The following PPP2R3A variants were observed in gnomAD, a reference collection of about 807,000 sequenced individuals.
The protein encoded by PPP2R3A is serine/threonine-protein phosphatase 2A regulatory subunit B'' subunit alpha.
PPP2R3A carries 80 observed loss-of-function variants against 106.9 expected under a neutral mutation model. That is an observed-to-expected ratio of 0.75 (90% CI 0.62 to 0.90). The LOEUF (loss-of-function observed/expected upper bound fraction) is 0.90. Ranked by LOEUF, PPP2R3A falls within the 40% of genes least tolerant of loss-of-function variation. The pLI is 0.00. For missense variants in PPP2R3A, 1,386 were observed against 1,350.4 expected (o/e 1.03, Z -0.41); for synonymous variants, 483 against 468.3 (o/e 1.03, Z -0.41).
At chr3:136,074,058 T>C (rs1317624400) in intron 6 of PPP2R3A, among the ~76,000 whole-genome samples, 1 of 152,198 alleles carries the variant, frequency 6.6e-6, no homozygotes, top group African/African-American at 2.4e-5. Flanking sequence ...TGTGACTCTA[T>C]TGAATGTTAT....
At chr3:136,033,086 G>A (rs1048347916) in intron 3 of PPP2R3A, among the ~76,000 whole-genome samples, 1 of 152,154 alleles carries the variant, frequency 6.6e-6, no homozygotes, top group African/African-American at 2.4e-5. Flanking sequence ...TCATCATAAA[G>A]GGATGCTGGA....
chr3:136,138,968 C>T (rs1938741449), intron 13 of PPP2R3A, among the ~76,000 whole-genome samples: 1 of 151,932 alleles, frequency 6.6e-6, no homozygotes, highest in Non-Finnish European at 1.5e-5. Flanking sequence ...ACATTGGCCT[C>T]CCCCAAAGTG....
chr3:136,055,678 A>G (rs1935837014), intron 5 of PPP2R3A: 1 of 1,051,964 alleles, frequency 9.5e-7, no homozygotes, highest in Non-Finnish European at 1.4e-6. Flanking sequence ...GGAGCTTACT[A>G]ACTGTGGTTT....
rs1284349045 is a variant in PPP2R3A at position 136,105,377 on chromosome 3, G to A, written c.3223-839G>A. Among the ~76,000 whole-genome samples, 4 of 152,190 alleles carry A rather than the reference G, an allele frequency of 2.6e-5. No individual in the cohort carries two copies. In the South Asian group the frequency reaches 6.2e-4, roughly 24 times the overall value. On this transcript the variant is annotated intron_variant, in intron 12 of 13. Transcript: ENST00000264977. ...GCTATGGCTTGTGCTTGTAATCCCA[G>A]CTACTTAGGAAGCTAAGACGGGAGG...
At chr3:136,071,607 A>G (rs1418175825) in intron 6 of PPP2R3A, among the ~76,000 whole-genome samples, 1 of 152,136 alleles carries the variant, frequency 6.6e-6, no homozygotes, top group African/African-American at 2.4e-5. Flanking sequence ...TAATTGCCCC[A>G]TAGTCTAGCC....
chr3:135,974,258 T>C (rs1389132992), intron 1 of PPP2R3A, among the ~76,000 whole-genome samples: 1 of 152,172 alleles, frequency 6.6e-6, no homozygotes, highest in African/African-American at 2.4e-5. Context: ...TTGACTCTTA[T>C]TTCCTTGGCA....
In PPP2R3A at chr3:136,041,249, T is replaced by TTG. The variant is rs774082733; in HGVS notation, c.2366+287_2366+288insTG. On this transcript the variant is annotated intron_variant, in intron 4 of 13. Coordinates refer to ENST00000264977, the MANE Select transcript of PPP2R3A (RefSeq NM_002718.5). Reference sequence around the variant, plus strand: ...ACTTGGTTTTTCTTGTTTTTTTTTTTGTTTTTTTTTTTGTTTTTTTTTTTT... The same window carrying TTG: ...ACTTGGTTTTTCTTGTTTTTTTTTTTTGGTTTTTTTTTTTGTTTTTTTTTTTT... 5.0e-4 allele frequency among the ~76,000 whole-genome samples: 23 copies of TTG among 45,560 alleles called. 1 individual carries two copies. Among genetic ancestry groups the TTG allele is most frequent in the Non-Finnish European group, 8.2e-4 (17 of 20,656 alleles). The allele number at this position is 45,560 out of a possible 152,430, so 29.9% of individuals were successfully genotyped here. A position where few individuals can be genotyped will look rare whatever the true frequency, so the allele number is the denominator to read the frequency against.
intron 3 of PPP2R3A, among the ~76,000 whole-genome samples, 163 bp downstream of exon 3, chr3:136,027,261 C>T (rs1934700607): frequency 6.6e-6 from 1 of 151,890 alleles, no homozygotes; most frequent in African/African-American, 2.4e-5. Context: ...TCTTCCATTT[C>T]AACCTCCTAT....
chr3:136,145,909 T>A lies in PPP2R3A; in HGVS notation c.*743T>A, dbSNP rs1216567673. The A allele has an allele frequency of 6.6e-6, 1 of 152,220 alleles. No individual in the cohort carries two copies. Among genetic ancestry groups the A allele is most frequent in the Non-Finnish European group, 1.5e-5 (1 of 68,034 alleles). 9.4% of individuals were successfully genotyped at this position (152,220 alleles called of 1,614,324 possible). Reference sequence around the variant, plus strand: ...CATACTTGGAAAAAGCCCTTTTAACTTTTATCTTTTATTCATTGAACTATT... The same window carrying A: ...CATACTTGGAAAAAGCCCTTTTAACATTTATCTTTTATTCATTGAACTATT... On this transcript the variant is annotated 3_prime_UTR_variant, in exon 14 of 14. Transcript: ENST00000264977.
At chr3:136,065,892 T>A (rs1936250951) in intron 5 of PPP2R3A, among the ~76,000 whole-genome samples, 1 of 152,122 alleles carries the variant, frequency 6.6e-6, no homozygotes, top group Non-Finnish European at 1.5e-5. Flanking sequence ...CCTAGGCTGG[T>A]CTTGAACTCC....
intron 2 of PPP2R3A, among the ~76,000 whole-genome samples, chr3:136,010,258 C>CTTTTTT (rs35997478): frequency 2.5e-5 from 3 of 121,298 alleles, no homozygotes; most frequent in Non-Finnish European, 3.4e-5. Flanking sequence ...TTCTTTCTTT[C>CTTTTTT]TTTTTTTTTT....
At chr3:136,104,108 T>C (rs959211254) in intron 12 of PPP2R3A, among the ~76,000 whole-genome samples, 3 of 152,208 alleles carry the variant, frequency 2.0e-5, no homozygotes, top group Non-Finnish European at 4.4e-5. Flanking sequence ...GCATGTTCCA[T>C]AACTGTTTGA....
intron 8 of PPP2R3A, chr3:136,087,662 C>A: frequency 2.5e-6 from 1 of 403,564 alleles, no homozygotes; most frequent in Middle Eastern, 6.7e-4. Flanking sequence ...ACTTAGCATT[C>A]AACTATATTA....
intron 7 of PPP2R3A, among the ~76,000 whole-genome samples, chr3:136,078,807 G>A (rs1008657908): frequency 6.6e-6 from 1 of 152,226 alleles, no homozygotes; most frequent in African/African-American, 2.4e-5. Flanking sequence ...AAGGGTCTTG[G>A]AAAGGCCTTG....
At chr3:136,072,350 G>A (rs1936464416) in intron 6 of PPP2R3A, among the ~76,000 whole-genome samples, 2 of 152,182 alleles carry the variant, frequency 1.3e-5, no homozygotes, top group Non-Finnish European at 2.9e-5. Flanking sequence ...CCAGCACTTT[G>A]GGAGCCCGAG....
intron 1 of PPP2R3A, among the ~76,000 whole-genome samples, chr3:135,985,472 A>G (rs567059777): frequency 5.3e-5 from 8 of 151,860 alleles, no homozygotes; most frequent in African/African-American, 1.9e-4. Flanking sequence ...TACCTAAGGA[A>G]TACAAGCCCA....
intron 9 of PPP2R3A, among the ~76,000 whole-genome samples, chr3:136,088,499 G>A (rs557813284): frequency 2.6e-5 from 4 of 152,170 alleles, no homozygotes; most frequent in African/African-American, 9.7e-5. Flanking sequence ...GTCTACTGTT[G>A]GTAGGCATCT....
intron 13 of PPP2R3A, among the ~76,000 whole-genome samples, chr3:136,134,091 T>C (rs1386815126): frequency 6.6e-6 from 1 of 152,182 alleles, no homozygotes; most frequent in Non-Finnish European, 1.5e-5. Context: ...TACTACTGTA[T>C]ATTAAGCATT....
chr3:136,005,254 C>T (rs955980482), intron 2 of PPP2R3A, among the ~76,000 whole-genome samples: 1 of 152,090 alleles, frequency 6.6e-6, no homozygotes, highest in African/African-American at 2.4e-5. Flanking sequence ...TAGACTTGGG[C>T]CCCATCCCCA....
Sources: allele counts gnomAD v4.1 joint callset (sites outside exome capture counted in the v4.1 genomes callset), GRCh38; gene constraint gnomAD v4.1.1; transcripts MANE v1.5; gene names NCBI Gene and HGNC (gene_info 2026-07-23, HGNC 2026-07-21).